The following ROPN1L variants were observed in gnomAD, a reference collection of about 807,000 sequenced individuals.
The protein encoded by ROPN1L is ropporin-1-like protein.
A neutral mutation model predicts 22.7 loss-of-function variants in ROPN1L; 23 were observed. That is an observed-to-expected ratio of 1.01 (90% CI 0.73 to 1.43). The LOEUF is 1.43. Among genes scored for constraint, ROPN1L ranks in the 40% most tolerant of loss-of-function variants. ROPN1L has a pLI of 0.00. For synonymous variants in ROPN1L, 116 were observed against 117.8 expected (o/e 0.98, Z 0.10); for missense variants, 271 against 291.5 (o/e 0.93, Z 0.51).
chr5:10,456,606 G>A (rs2126452947), intron 3 of ROPN1L, among the ~76,000 whole-genome samples: 1 of 152,372 alleles, frequency 6.6e-6, no homozygotes, highest in South Asian at 2.1e-4. Flanking sequence ...CCATGCCAAG[G>A]AGAGGGTCTT....
chr5:10,465,550 CAAAA>C (rs1179219259), downstream of ROPN1L, among the ~76,000 whole-genome samples: 2 of 149,264 alleles, frequency 1.3e-5, no homozygotes, highest in Non-Finnish European at 3.0e-5. Flanking sequence ...AACGAACAAA[CAAAA>C]AAAGGGGCTT....
the ROPN1L span, among the ~76,000 whole-genome samples, chr5:10,480,907 A>G: frequency 6.6e-6 from 1 of 152,114 alleles, no homozygotes; most frequent in Non-Finnish European, 1.5e-5. Flanking sequence ...TTTCCAGTGG[A>G]TCCAACTTCC....
intron 3 of ROPN1L, among the ~76,000 whole-genome samples, chr5:10,458,886 C>T (rs551664864): frequency 1.7e-5 from 1 of 58,268 alleles, no homozygotes; most frequent in South Asian, 6.9e-4. Context: ...TGTACACCAT[C>T]CCCTCGTGTA....
downstream of ROPN1L, among the ~76,000 whole-genome samples, chr5:10,474,876 A>G (rs1292975904): frequency 2.0e-5 from 3 of 152,248 alleles, no homozygotes; most frequent in Admixed American, 6.5e-5. Context: ...ATGACCAAGT[A>G]TTAAAAATGG....
chr5:10,459,070 C>T (rs922550114), intron 3 of ROPN1L, among the ~76,000 whole-genome samples: 3 of 150,950 alleles, frequency 2.0e-5, no homozygotes, highest in Middle Eastern at 3.4e-3. Context: ...TTCCACTGGG[C>T]GCCTGACAGA....
intron 1 of ROPN1L, among the ~76,000 whole-genome samples, chr5:10,443,190 A>AT (rs34857008): frequency 0.21 from 31,513 of 151,424 alleles, 4,944 homozygotes; most frequent in East Asian, 0.67. Flanking sequence ...CCCCATCTGT[A>AT]TTTTTTTTAA....
At chr5:10,460,975 T>G (rs923756639) in intron 3 of ROPN1L, among the ~76,000 whole-genome samples, 1 of 152,262 alleles carries the variant, frequency 6.6e-6, no homozygotes, top group Non-Finnish European at 1.5e-5. Flanking sequence ...AATTTTTTCC[T>G]GGTCAATTGC....
At chr5:10,477,949 T>G in the ROPN1L span, 1 of 152,044 alleles carries the variant, frequency 6.6e-6, no homozygotes, top group African/African-American at 2.4e-5. Flanking sequence ...AAAAAACTAT[T>G]CAAAATCCTC....
chr5:10,448,441 C>T, intron 2 of ROPN1L, 58 bp downstream of exon 2: 1 of 1,605,778 alleles, frequency 6.2e-7, no homozygotes, highest in Non-Finnish European at 8.5e-7. Context: ...CCTTACCGTT[C>T]ACTGTGCATT....
rs533667087 is a variant in ROPN1L at position 10,464,973 on chromosome 5, C to T, written c.*26C>T. ...TACAGAGAAGAATACATTTTAATGT[C>T]AAAATAGTGCTCTTTAAAATTCTGG... On this transcript the variant is annotated 3_prime_UTR_variant, in exon 5 of 5. Transcript: ENST00000274134. 3.7e-6 allele frequency: 5 copies of T among 1,335,286 alleles called. No homozygotes were observed. The South Asian group carries it at 6.5e-5, about 17-fold the overall frequency. The allele number at this position is 1,335,286 out of a possible 1,614,324, so 82.7% of individuals were successfully genotyped here.
chr5:10,451,028 T>C (rs1180958515), intron 3 of ROPN1L, among the ~76,000 whole-genome samples: 1 of 152,178 alleles, frequency 6.6e-6, no homozygotes, highest in African/African-American at 2.4e-5. Context: ...ACATGGTGGT[T>C]GGGTGAAGGA....
downstream of ROPN1L, among the ~76,000 whole-genome samples, chr5:10,469,300 C>A (rs1220442989): frequency 1.2e-4 from 17 of 139,882 alleles, no homozygotes; most frequent in Admixed American, 8.1e-4. Flanking sequence ...TGGAGTGAGA[C>A]CTTTTCTCTA....
the ROPN1L span, among the ~76,000 whole-genome samples, chr5:10,478,386 A>G: frequency 6.6e-6 from 1 of 152,156 alleles, no homozygotes; most frequent in African/African-American, 2.4e-5. Context: ...ACAGAGATTT[A>G]TTCTCTCACA....
At chr5:10,471,518 G>A (rs550520651) in intron 4 of ROPN1L, among the ~76,000 whole-genome samples, 5 of 152,298 alleles carry the variant, frequency 3.3e-5, no homozygotes, top group South Asian at 4.1e-4. Context: ...CAGGGTTTTC[G>A]AAGAAGGTTT....
intron 1 of ROPN1L, among the ~76,000 whole-genome samples, chr5:10,446,337 T>TA (rs1741061587): frequency 1.3e-5 from 2 of 152,186 alleles, no homozygotes; most frequent in South Asian, 4.1e-4. Flanking sequence ...ATGCCTGGAG[T>TA]ACCATCCACC....
chr5:10,462,263 G>T (rs1167539327), intron 4 of ROPN1L, among the ~76,000 whole-genome samples: 1 of 152,214 alleles, frequency 6.6e-6, no homozygotes, highest in Non-Finnish European at 1.5e-5. Flanking sequence ...AGGAGCGGGG[G>T]TTGAAGACCA....
At chr5:10,466,139 A>G (rs935051376), downstream of ROPN1L, among the ~76,000 whole-genome samples, 25 of 152,232 alleles carry the variant, frequency 1.6e-4, no homozygotes, top group African/African-American at 6.0e-4. Flanking sequence ...AATACATTTC[A>G]GGTTAGCTTC....
At chr5:10,457,765 GC>G (rs1734873758) in intron 3 of ROPN1L, among the ~76,000 whole-genome samples, 7 of 152,282 alleles carry the variant, frequency 4.6e-5, no homozygotes, top group African/African-American at 1.4e-4. Context: ...GACAGTCCAG[GC>G]CTGGCTTGCA....
At chr5:10,463,901 T>C (rs759827556) in intron 4 of ROPN1L, among the ~76,000 whole-genome samples, 16 of 152,184 alleles carry the variant, frequency 1.1e-4, no homozygotes, top group Non-Finnish European at 2.4e-4. Flanking sequence ...CTCAGCCTCC[T>C]GAGAAGCCCC....
Sources: allele counts gnomAD v4.1 joint callset (sites outside exome capture counted in the v4.1 genomes callset), GRCh38; gene constraint gnomAD v4.1.1; transcripts MANE v1.5; gene names NCBI Gene and HGNC (gene_info 2026-07-23, HGNC 2026-07-21).